ADCY9: variants seen among roughly 807,000 people sequenced by gnomAD.
The protein encoded by ADCY9 is adenylate cyclase 9, also known as adenylate cyclase type 9.
Under a neutral mutation model 101.5 loss-of-function variants are expected in ADCY9, and 50 were observed. That is an observed-to-expected ratio of 0.49 (90% CI 0.39 to 0.62). The LOEUF is 0.62. ADCY9 is among the 20% of genes least tolerant of loss of function. The pLI is 0.00. For missense variants in ADCY9, 1,662 were observed against 1,800.4 expected (o/e 0.92, Z 1.39); for synonymous variants, 905 against 769.3 (o/e 1.18, Z -2.92).
intron 3 of ADCY9, among the ~76,000 whole-genome samples, chr16:4,005,615 G>A (rs928382442): frequency 1.3e-5 from 2 of 152,178 alleles, no homozygotes; most frequent in Admixed American, 1.3e-4. Context: ...TACGCTAAAT[G>A]GTTTTTGCTC....
intron 2 of ADCY9, among the ~76,000 whole-genome samples, chr16:4,102,362 A>G (rs1195820592): frequency 1.3e-5 from 2 of 152,082 alleles, no homozygotes; most frequent in Non-Finnish European, 2.9e-5. Context: ...CAAGCACCCA[A>G]CCATTCAAGG....
At chr16:4,019,903 C>A (rs957213604) in intron 2 of ADCY9, among the ~76,000 whole-genome samples, 1 of 151,994 alleles carries the variant, frequency 6.6e-6, no homozygotes, top group Non-Finnish European at 1.5e-5. Flanking sequence ...CATGGTGAAA[C>A]CCTGTCTCCA....
chr16:3,973,992 G>A (rs2056073286), intron 10 of ADCY9, among the ~76,000 whole-genome samples: 1 of 152,134 alleles, frequency 6.6e-6, no homozygotes, highest in African/African-American at 2.4e-5. Context: ...TTATTCTGCT[G>A]TTTATAGTAA....
intron 2 of ADCY9, among the ~76,000 whole-genome samples, chr16:4,039,602 C>T (rs1298929578): frequency 6.7e-6 from 1 of 148,768 alleles, no homozygotes; most frequent in East Asian, 2.0e-4. Context: ...TCACTTGAAC[C>T]TGGGAGGCAG....
chr16:4,102,111 T>C (rs1170563188), intron 2 of ADCY9, among the ~76,000 whole-genome samples: 1 of 152,178 alleles, frequency 6.6e-6, no homozygotes, highest in Non-Finnish European at 1.5e-5. Context: ...TTTAGTGCAA[T>C]ACGAAATGTG....
intron 2 of ADCY9, among the ~76,000 whole-genome samples, chr16:4,082,274 G>C (rs974474134): frequency 1.3e-5 from 2 of 152,048 alleles, no homozygotes; most frequent in African/African-American, 4.8e-5. Context: ...AGATACTCAA[G>C]AGGCTGAGGC....
chr16:3,985,645 C>T (rs1206838614), intron 6 of ADCY9, among the ~76,000 whole-genome samples: 1 of 152,132 alleles, frequency 6.6e-6, no homozygotes, highest in Non-Finnish European at 1.5e-5. Flanking sequence ...TTCTGAGAGC[C>T]CACACCTCCC....
chr16:4,073,644 C>A (rs1461249347), intron 2 of ADCY9, among the ~76,000 whole-genome samples: 1 of 152,218 alleles, frequency 6.6e-6, no homozygotes, highest in Non-Finnish European at 1.5e-5. Context: ...GATCCACCTA[C>A]CTCGGCTTCC....
At chr16:3,954,257 T>C (rs574035181) in intron 5 of ADCY9, among the ~76,000 whole-genome samples, 1 of 152,278 alleles carries the variant, frequency 6.6e-6, no homozygotes, top group African/African-American at 2.4e-5. Flanking sequence ...TGGGTCCTGG[T>C]GAACGACGAT....
At chr16:4,095,268 T>C (rs1308299759) in intron 2 of ADCY9, among the ~76,000 whole-genome samples, 1 of 152,224 alleles carries the variant, frequency 6.6e-6, no homozygotes, top group African/African-American at 2.4e-5. Flanking sequence ...CCCAAAGTGC[T>C]GCGATTACAG....
Position 4,114,096 on chromosome 16 carries a change from C to T in ADCY9, c.1347G>A (p.Ala449=). The T allele has an allele frequency of 6.2e-7, 1 of 1,613,836 alleles. No homozygotes were observed. The highest frequency in any genetic ancestry group is 1.3e-5 in the African/African-American group (1 of 75,034). The change falls in exon 2 of 11, where the codon GCG becomes GCA. Residue 449 remains alanine (A), a synonymous_variant. Transcript: ENST00000294016. This position sits in a 1 kb window ranked among gnomAD's most constrained non-coding sequence, Gnocchi z 4.3. ...GGTCGGCCCGGGGCTCGGGACAGCC[C>T]GCCACGCAGTAGTAACAGTCTCCCA... is the stretch of plus-strand genomic sequence containing the variant. The part of the protein sequence containing the change: ...STLGDCYYCV[A]GCPEPRADHA...
intron 2 of ADCY9, among the ~76,000 whole-genome samples, chr16:4,062,319 G>T (rs1023392923): frequency 6.6e-6 from 1 of 152,036 alleles, no homozygotes; most frequent in African/African-American, 2.4e-5. Context: ...AAAGAAAACA[G>T]TAAGGAGAAA....
At chr16:4,104,014 G>C (rs1043032900) in intron 2 of ADCY9, among the ~76,000 whole-genome samples, 2 of 152,132 alleles carry the variant, frequency 1.3e-5, no homozygotes, top group African/African-American at 4.8e-5. Context: ...CTGTGCAGCT[G>C]TTTGGATTGC....
chr16:4,065,083 T>C (rs1326543459), intron 2 of ADCY9, among the ~76,000 whole-genome samples: 1 of 152,202 alleles, frequency 6.6e-6, no homozygotes, highest in East Asian at 1.9e-4. Flanking sequence ...AGCAGCTACA[T>C]GACTGCGTGT....
intron 2 of ADCY9, among the ~76,000 whole-genome samples, chr16:4,045,190 T>C (rs1481039435): frequency 1.3e-5 from 2 of 152,042 alleles, no homozygotes; most frequent in Non-Finnish European, 2.9e-5. Flanking sequence ...TGGTAGACAC[T>C]TGACAAATAT....
At chr16:3,985,982 G>GGT (rs112037426) in intron 6 of ADCY9, among the ~76,000 whole-genome samples, 1 of 151,740 alleles carries the variant, frequency 6.6e-6, no homozygotes, top group African/African-American at 2.4e-5. Context: ...CTCCCCATGG[G>GGT]CGAAACCCAG....
intron 2 of ADCY9, among the ~76,000 whole-genome samples, chr16:4,010,470 C>G (rs1407144667): frequency 6.6e-6 from 1 of 152,254 alleles, no homozygotes; most frequent in African/African-American, 2.4e-5. Flanking sequence ...TCTCCAACGT[C>G]TGCTGTTGCT....
At chr16:4,024,024 CTT>C (rs904072808) in intron 2 of ADCY9, among the ~76,000 whole-genome samples, 75 of 148,688 alleles carry the variant, frequency 5.0e-4, no homozygotes, top group African/African-American at 1.7e-3. Context: ...AATTTTTTAA[CTT>C]TTTTTTTTTC....
rs1354745980 is a variant in ADCY9 at position 3,977,544 on chromosome 16, G to A, written c.2766C>T (p.Ser922=). Residue 922 remains serine (S), a synonymous_variant, in exon 9 of 11, where the codon TCC becomes TCT. Coordinates refer to ENST00000294016, the MANE Select transcript of ADCY9 (RefSeq NM_001116.4). ...FCQLSSWMRS[S]LATVVGAGPL... is the part of the protein sequence containing the mutation. ...GCCCGGCCCCCACGACGGTGGCGAG[G>A]GAGGACCTCATCCAGGAGCTGAGCT... The A allele has an allele frequency of 6.8e-6, 11 of 1,605,892 alleles. No individual in the cohort carries two copies. Among genetic ancestry groups the A allele is most frequent in the Non-Finnish European group, 9.3e-6 (11 of 1,176,668 alleles).
Sources: allele counts gnomAD v4.1 joint callset (sites outside exome capture counted in the v4.1 genomes callset), GRCh38; gene constraint gnomAD v4.1.1; non-coding constraint Gnocchi (gnomAD v3.1); transcripts MANE v1.5; gene names NCBI Gene and HGNC (gene_info 2026-07-23, HGNC 2026-07-21).